Variants in FHIT observed in about 807,000 individuals in gnomAD.
FHIT encodes the protein bis(5'-adenosyl)-triphosphatase.
In FHIT, 19 loss-of-function variants were observed where a neutral mutation model predicts 17.9. The ratio of observed to expected loss-of-function variants is 1.06; its 90% CI spans 0.74 to 1.56. FHIT has a LOEUF of 1.56. FHIT is among the 40% of genes most tolerant of loss of function. FHIT has a pLI of 0.00. For synonymous variants in FHIT, 81 were observed against 69.7 expected, an observed-to-expected ratio of 1.16 and a Z score of -0.81; for missense variants, 248 against 189.2, an observed-to-expected ratio of 1.31 and a Z score of -1.82.
At chr3:60,951,511 A>G (rs1708884354) in intron 3 of FHIT, among the ~76,000 whole-genome samples, 1 of 152,186 alleles carries the variant, frequency 6.6e-6, no homozygotes, top group Non-Finnish European at 1.5e-5. Context: ...GCAGGGTAAA[A>G]CACACTGCCT....
At chr3:60,558,111 C>A (rs2036805486) in intron 4 of FHIT, among the ~76,000 whole-genome samples, 1 of 152,180 alleles carries the variant, frequency 6.6e-6, no homozygotes, top group East Asian at 2.0e-4. Context: ...TTGACTGCTA[C>A]CTGTGTCGTC....
intron 4 of FHIT, among the ~76,000 whole-genome samples, chr3:60,573,853 A>T (rs370978790): frequency 6.6e-6 from 1 of 151,832 alleles, no homozygotes; most frequent in African/African-American, 2.4e-5. Flanking sequence ...TCTGTCACCC[A>T]GGCTGGGGCG....
chr3:61,238,592 A>G (rs1218793279), intron 1 of FHIT, among the ~76,000 whole-genome samples: 1 of 152,232 alleles, frequency 6.6e-6, no homozygotes, highest in Non-Finnish European at 1.5e-5. Flanking sequence ...AGAAAGGTCA[A>G]CATTCTGCCA....
chr3:59,984,399 G>A (rs1392336795), intron 7 of FHIT, among the ~76,000 whole-genome samples: 1 of 146,788 alleles, frequency 6.8e-6, no homozygotes, highest in African/African-American at 2.5e-5. Context: ...TCCACTGGGG[G>A]GGGCTCTGGA....
At chr3:61,237,395 G>C (rs900641664) in intron 1 of FHIT, among the ~76,000 whole-genome samples, 1 of 152,088 alleles carries the variant, frequency 6.6e-6, no homozygotes, top group African/African-American at 2.4e-5. Context: ...TTATATTCCT[G>C]TCTTTAACAT....
At chr3:61,163,540 C>G (rs1316651865) in intron 2 of FHIT, among the ~76,000 whole-genome samples, 1 of 152,160 alleles carries the variant, frequency 6.6e-6, no homozygotes, top group African/African-American at 2.4e-5. Context: ...CCACACTTTT[C>G]CCCTGAAGCA....
Position 60,916,748 on chromosome 3 carries a change from T to C in FHIT, c.-110-94737A>G, listed in dbSNP as rs1330149918. On this transcript the variant is annotated intron_variant, in intron 3 of 9. Coordinates refer to ENST00000492590, the MANE Select transcript of FHIT (RefSeq NM_002012.4). ...ATCGTTCCAGCATTCTCGCCAAGTG[T>C]CACAACCTGCTCTATTATATCAATA... Among the ~76,000 whole-genome samples, 5 of 152,210 alleles carry C rather than the reference T, an allele frequency of 3.3e-5. No homozygotes were observed. In the East Asian group the frequency reaches 9.6e-4, roughly 29 times the overall value.
chr3:60,645,606 A>G (rs557687007), intron 4 of FHIT, among the ~76,000 whole-genome samples: 1 of 152,248 alleles, frequency 6.6e-6, no homozygotes, highest in South Asian at 2.1e-4. Context: ...AAAGCCATGG[A>G]CCAGGATCAT....
At chr3:60,417,416 C>T (rs1469802822) in intron 5 of FHIT, among the ~76,000 whole-genome samples, 2 of 152,138 alleles carry the variant, frequency 1.3e-5, no homozygotes, top group African/African-American at 4.8e-5. Flanking sequence ...TCACAGAACA[C>T]AGTGGGTCCA....
At chr3:60,872,649 C>T (rs936227968) in intron 3 of FHIT, among the ~76,000 whole-genome samples, 8 of 152,156 alleles carry the variant, frequency 5.3e-5, no homozygotes, top group East Asian at 1.9e-4. Context: ...TAGCCCATAA[C>T]GGCAATTTTC....
chr3:60,462,760 G>A (rs1412636036), intron 5 of FHIT, among the ~76,000 whole-genome samples: 4 of 152,138 alleles, frequency 2.6e-5, no homozygotes, highest in Non-Finnish European at 4.4e-5. Context: ...ATGCTGGACC[G>A]GGCTAAGACA....
At chr3:60,284,968 G>C (rs1434348376) in intron 5 of FHIT, among the ~76,000 whole-genome samples, 3 of 152,078 alleles carry the variant, frequency 2.0e-5, no homozygotes, top group Non-Finnish European at 4.4e-5. Flanking sequence ...AGGTTAACTT[G>C]TAGTTTTTGT....
intron 5 of FHIT, among the ~76,000 whole-genome samples, chr3:60,100,464 C>T (rs943005673): frequency 6.6e-6 from 1 of 152,156 alleles, no homozygotes; most frequent in Non-Finnish European, 1.5e-5. Context: ...TGCTTTGACT[C>T]TTGGCCAAGT....
chr3:59,988,134 C>G (rs368638360), intron 7 of FHIT, among the ~76,000 whole-genome samples: 170 of 152,166 alleles, frequency 1.1e-3, no homozygotes, highest in African/African-American at 4.1e-3. Flanking sequence ...AATCTGGAAG[C>G]AACAGAGAAT....
At chr3:60,658,504 G>A (rs533567084) in intron 4 of FHIT, among the ~76,000 whole-genome samples, 96 of 151,840 alleles carry the variant, frequency 6.3e-4, no homozygotes, top group South Asian at 1.5e-3. Context: ...TAAAGTTATC[G>A]ATTCTAATTT....
intron 3 of FHIT, among the ~76,000 whole-genome samples, chr3:60,902,641 T>C (rs1706180985): frequency 6.6e-6 from 1 of 152,198 alleles, no homozygotes; most frequent in African/African-American, 2.4e-5. Context: ...AAACTGTTTC[T>C]GGTAGCTATT....
intron 7 of FHIT, among the ~76,000 whole-genome samples, chr3:59,982,479 AAAGTGAAG>A (rs1708697351): frequency 1.3e-5 from 2 of 152,200 alleles, no homozygotes; most frequent in Admixed American, 6.5e-5. Context: ...CAATTCACCT[AAAGTGAAG>A]TATATTATCA....
At chr3:60,762,173 C>T (rs1418395572) in intron 4 of FHIT, among the ~76,000 whole-genome samples, 1 of 152,114 alleles carries the variant, frequency 6.6e-6, no homozygotes, top group Non-Finnish European at 1.5e-5. Flanking sequence ...ACTTGCCTAC[C>T]CAGTTATTCT....
At chr3:59,846,274 C>A (rs1701716289) in intron 8 of FHIT, among the ~76,000 whole-genome samples, 1 of 151,842 alleles carries the variant, frequency 6.6e-6, no homozygotes, top group South Asian at 2.1e-4. Flanking sequence ...TAGCTGTTGT[C>A]TTTGTGGTTA....
Sources: gnomAD v4.1 joint callset for allele counts (sites outside exome capture counted in the v4.1 genomes callset) on GRCh38, gnomAD v4.1.1 for gene constraint, MANE v1.5 for transcripts, NCBI Gene and HGNC (gene_info 2026-07-23, HGNC 2026-07-21) for gene names.